KDM4B: variants seen among roughly 807,000 people sequenced by gnomAD.
KDM4B encodes the protein lysine-specific demethylase 4B.
A neutral mutation model predicts 125.2 loss-of-function variants in KDM4B; 32 were observed. That is an observed-to-expected ratio of 0.26 (90% CI 0.19 to 0.34). KDM4B has a LOEUF of 0.34. Among genes scored for constraint, KDM4B ranks in the 10% least tolerant of loss-of-function variants. The pLI is 1.00. For synonymous variants in KDM4B, 721 were observed against 677.9 expected (o/e 1.06, Z -0.99); for missense variants, 1,190 against 1,577.7 (o/e 0.75, Z 4.16).
intron 6 of KDM4B, among the ~76,000 whole-genome samples, chr19:5,049,337 T>C (rs1400105664): frequency 6.6e-6 from 1 of 151,994 alleles, no homozygotes; most frequent in African/African-American, 2.4e-5. Flanking sequence ...CAGCTGCCAC[T>C]CCCATGTCTA....
chr19:5,022,951 G>A (rs537128897), intron 2 of KDM4B, among the ~76,000 whole-genome samples: 1 of 152,222 alleles, frequency 6.6e-6, no homozygotes, highest in East Asian at 1.9e-4. Flanking sequence ...CAGTCGTGGT[G>A]GACTGAATGA....
chr19:5,057,487 C>G (rs1005916247), intron 6 of KDM4B, among the ~76,000 whole-genome samples: 2 of 152,218 alleles, frequency 1.3e-5, no homozygotes, highest in South Asian at 2.1e-4. Context: ...TGCGAAAGAC[C>G]TATCATCTCT....
chr19:5,102,788 C>T (rs995544983), intron 9 of KDM4B, among the ~76,000 whole-genome samples: 1 of 152,188 alleles, frequency 6.6e-6, no homozygotes, highest in Non-Finnish European at 1.5e-5. Flanking sequence ...GTGGATGCCG[C>T]CCCTGACGTC....
In KDM4B at chr19:5,047,155, G is replaced by C. The variant is rs142039106; in HGVS notation, c.433-321G>C. The C allele has an allele frequency of 3.8e-3, 964 of 253,468 alleles. 11 individuals are homozygous for C. Among genetic ancestry groups the C allele is most frequent in the African/African-American group, 0.02 (902 of 45,258 alleles). The allele number at this position is 253,468 out of a possible 1,614,324, so 15.7% of individuals were successfully genotyped here. On this transcript the variant is annotated intron_variant, in intron 5 of 22. Transcript: ENST00000159111. ...CACAGAAAAAAGTAAAAATTAGCCA[G>C]GTGTGGTTTCTCACGCCTATAGCCT...
intron 6 of KDM4B, among the ~76,000 whole-genome samples, chr19:5,063,436 T>C (rs2037668474): frequency 6.6e-6 from 1 of 152,184 alleles, no homozygotes; most frequent in African/African-American, 2.4e-5. Context: ...TTGCCAACCA[T>C]GTGTGTACAT....
At chr19:5,072,152 T>C (rs962017297) in intron 7 of KDM4B, among the ~76,000 whole-genome samples, 3 of 152,188 alleles carry the variant, frequency 2.0e-5, no homozygotes, top group African/African-American at 7.2e-5. Flanking sequence ...CTTCCAAACC[T>C]TCGAGCCAAA....
At chr19:5,111,898 C>T in intron 10 of KDM4B, 1 of 740,060 alleles carries the variant, frequency 1.4e-6, no homozygotes, top group East Asian at 2.5e-5. Flanking sequence ...CCCTGAAATC[C>T]AGATCTCATG....
intron 21 of KDM4B, among the ~76,000 whole-genome samples, chr19:5,148,394 T>C (rs1202771193): frequency 6.6e-6 from 1 of 152,190 alleles, no homozygotes; most frequent in Non-Finnish European, 1.5e-5. Flanking sequence ...GCCATCCTCC[T>C]AGGCGGTTCT....
chr19:5,082,025 G>A lies in KDM4B; in HGVS notation c.781-342G>A, dbSNP rs906257695. Among the ~76,000 whole-genome samples, 4 of 152,116 alleles carry A rather than the reference G, an allele frequency of 2.6e-5. No individual in the cohort carries two copies. Among genetic ancestry groups the A allele is most frequent in the Non-Finnish European group, 4.4e-5 (3 of 67,994 alleles). ...AAGGTCCGGCTGGAGACACCCCCAC[G>A]GGCATTGTGTCCAGCCACGGCTCCA... On this transcript the variant is annotated intron_variant, in intron 8 of 22. Transcript: ENST00000159111. This position sits in a 1 kb window ranked among gnomAD's most constrained non-coding sequence, Gnocchi z 5.4.
intron 1 of KDM4B, among the ~76,000 whole-genome samples, chr19:4,972,316 T>G (rs925981510): frequency 2.7e-4 from 41 of 152,136 alleles, no homozygotes; most frequent in African/African-American, 9.4e-4. Flanking sequence ...TTCTTCTCTG[T>G]AAAATGGGTG....
intron 5 of KDM4B, among the ~76,000 whole-genome samples, chr19:5,046,491 C>G (rs2037031245): frequency 6.6e-6 from 1 of 152,216 alleles, no homozygotes; most frequent in African/African-American, 2.4e-5. Context: ...GGTGCAGGAA[C>G]AGCTGGTGGG....
chr19:5,137,559 C>T, intron 16 of KDM4B, 62 bp from the exon 17 acceptor site: 1 of 1,513,838 alleles, frequency 6.6e-7, no homozygotes, highest in East Asian at 2.3e-5. Flanking sequence ...GATCAGGCCC[C>T]AAGCAGTGTG....
rs546594288 is a variant in KDM4B, at chr19:5,010,538, G to C, written c.-108-5719G>C. ...GCTCTTTCCTGCAGGAAATATTCCC[G>C]TGGTGTTGGACTGGTGATTTTATGT... is the stretch of plus-strand genomic sequence containing the variant. On this transcript the variant is annotated intron_variant, in intron 1 of 22. Transcript: ENST00000159111. 2.2e-3 allele frequency among the ~76,000 whole-genome samples: 341 copies of C among 152,296 alleles called. 2 individuals carry two copies. Among genetic ancestry groups the C allele is most frequent in the Non-Finnish European group, 2.7e-3 (185 of 68,034 alleles).
rs886674342 is a variant in KDM4B at position 5,119,866 on chromosome 19, G to A, written c.1315+14G>A. ...AGGGCGCAGAAGGTCAGTCCCTGCCGGGCCAGGCCTGGCACCGCTGTTTTC... is the reference window on the plus strand; with the variant it reads ...AGGGCGCAGAAGGTCAGTCCCTGCCAGGCCAGGCCTGGCACCGCTGTTTTC... On this transcript the variant is annotated intron_variant, in intron 11 of 22. Transcript: ENST00000159111. 1.6e-5 allele frequency: 25 copies of A among 1,544,610 alleles called. No individual in the cohort carries two copies. In the East Asian group the frequency reaches 2.0e-4, roughly 12 times the overall value.
intron 11 of KDM4B, among the ~76,000 whole-genome samples, chr19:5,122,512 G>A (rs2039379458): frequency 6.6e-6 from 1 of 152,214 alleles, no homozygotes; most frequent in African/African-American, 2.4e-5. Flanking sequence ...GAAACACAAA[G>A]CAGGAAAGTA....
chr19:5,118,210 G>T (rs1221674066), intron 10 of KDM4B, among the ~76,000 whole-genome samples: 2 of 152,222 alleles, frequency 1.3e-5, no homozygotes, highest in South Asian at 2.1e-4. Context: ...TGGAGGGGCA[G>T]CTGCCACAGG....
At chr19:4,974,806 C>G (rs2034388904) in intron 1 of KDM4B, among the ~76,000 whole-genome samples, 1 of 152,018 alleles carries the variant, frequency 6.6e-6, no homozygotes, top group African/African-American at 2.4e-5. Flanking sequence ...AAAGATTTTC[C>G]CCTGCTCAGA....
intron 10 of KDM4B, among the ~76,000 whole-genome samples, chr19:5,117,691 A>G (rs994340557): frequency 3.7e-4 from 56 of 152,246 alleles, no homozygotes; most frequent in African/African-American, 1.3e-3. Flanking sequence ...TCTGGAGGGC[A>G]GGGGCCACTC....
At chr19:5,122,556 A>T (rs2039380064) in intron 11 of KDM4B, among the ~76,000 whole-genome samples, 1 of 152,288 alleles carries the variant, frequency 6.6e-6, no homozygotes. Context: ...TTTATTAAAA[A>T]GCACAAACTA....
Sources: allele counts gnomAD v4.1 joint callset (sites outside exome capture counted in the v4.1 genomes callset), GRCh38; gene constraint gnomAD v4.1.1; non-coding constraint Gnocchi (gnomAD v3.1); transcripts MANE v1.5; gene names NCBI Gene and HGNC (gene_info 2026-07-23, HGNC 2026-07-21).